PPP1R12A: variants seen among roughly 807,000 people sequenced by gnomAD.
PPP1R12A encodes protein phosphatase 1 regulatory subunit 12A, also known as myosin binding subunit.
Under a neutral mutation model 139.6 loss-of-function variants are expected in PPP1R12A, and 19 were observed. The ratio of observed to expected loss-of-function variants is 0.14; its 90% CI spans 0.09 to 0.20. The LOEUF (loss-of-function observed/expected upper bound fraction) is 0.20, where lower values mean the gene tolerates loss of function less well. PPP1R12A is among the 10% of genes least tolerant of loss of function. The pLI, the probability that PPP1R12A is intolerant of heterozygous loss-of-function variation, is 1.00. For missense variants in PPP1R12A, 925 were observed against 1,211.5 expected, an observed-to-expected ratio of 0.76 and a Z score of 3.51; for synonymous variants, 427 against 420.6, an observed-to-expected ratio of 1.02 and a Z score of -0.19.
At chr12:79,783,293 A>G (rs1870694715) in intron 22 of PPP1R12A, among the ~76,000 whole-genome samples, 1 of 46,370 alleles carries the variant, frequency 2.2e-5, no homozygotes, top group African/African-American at 6.4e-5. Flanking sequence ...CCCCGTCTCT[A>G]CCAAAAAAAA....
intron 1 of PPP1R12A, among the ~76,000 whole-genome samples, chr12:79,913,149 T>C (rs1291295459): frequency 6.6e-6 from 1 of 152,234 alleles, no homozygotes; most frequent in African/African-American, 2.4e-5. Context: ...GAATATTTTC[T>C]TTTGTGATGC....
chr12:79,790,359 T>G, intron 20 of PPP1R12A, 108 bp downstream of exon 20: 1 of 813,518 alleles, frequency 1.2e-6, no homozygotes, highest in Non-Finnish European at 1.8e-6. Flanking sequence ...TGTTTTTTAT[T>G]ATCAAATAAT....
At chr12:79,789,674 T>G (rs1038901571) in intron 20 of PPP1R12A, 2 of 453,828 alleles carry the variant, frequency 4.4e-6, no homozygotes, top group Non-Finnish European at 8.9e-6. Flanking sequence ...TTACTGGTCT[T>G]ACAGGGCTGT....
chr12:79,796,889 G>C lies in PPP1R12A; in HGVS notation c.2354C>G (p.Ser785Cys). 6.2e-7 allele frequency: 1 copy of C among 1,612,434 alleles called. No individual in the cohort carries two copies. Among genetic ancestry groups the C allele is most frequent in the African/African-American group, 1.3e-5 (1 of 74,978 alleles). ...AGCATACAGTGAACTGCTCATAGTA[G>C]AAAGTGAAGAGGATGGAGTGGTTGA... The part of the protein sequence containing the change: ...SSSTTPSSSL[S>C]TMSSSLYASS... The change falls in exon 17 of 25, where the codon TCT becomes TGT. Residue 785 changes from serine (S) to cysteine (C), a missense_variant. Coordinates refer to ENST00000450142, the MANE Select transcript of PPP1R12A (RefSeq NM_002480.3).
intron 1 of PPP1R12A, chr12:79,913,674 A>G (rs1886771181): frequency 6.6e-6 from 1 of 152,146 alleles, no homozygotes; most frequent in African/African-American, 2.4e-5. Flanking sequence ...TTTCATCTTT[A>G]TATCAATTTA....
intron 2 of PPP1R12A, among the ~76,000 whole-genome samples, chr12:79,870,287 T>A (rs1249235916): frequency 1.3e-5 from 2 of 152,062 alleles, no homozygotes; most frequent in Non-Finnish European, 2.9e-5. Context: ...CTAATTTTTT[T>A]GTATGTTTTG....
intron 2 of PPP1R12A, among the ~76,000 whole-genome samples, chr12:79,857,325 C>T (rs547138398): frequency 4.6e-5 from 7 of 151,302 alleles, no homozygotes; most frequent in Non-Finnish European, 7.4e-5. Context: ...AGTAAACTAT[C>T]GCAAGGACAA....
At position 79,898,627 on chromosome 12, in the gene PPP1R12A, TGAA is replaced by T. The variant is rs567771197; in HGVS notation, c.238-25692_238-25690del. Reference sequence around the variant, plus strand: ...AAGAAATAGTCTACCACTCACAAACTGAACTTCTAATGATTTCTTACACAAATG... The same window carrying T: ...AAGAAATAGTCTACCACTCACAAACTCTTCTAATGATTTCTTACACAAATG... On this transcript the variant is annotated intron_variant, in intron 1 of 24. Transcript: ENST00000450142. 6.8e-3 allele frequency among the ~76,000 whole-genome samples: 1,029 copies of T among 152,354 alleles called. 10 individuals carry two copies. Among genetic ancestry groups the T allele is most frequent in the Non-Finnish European group, 0.01 (692 of 68,040 alleles).
At chr12:79,907,173 A>C (rs1160500423) in intron 1 of PPP1R12A, among the ~76,000 whole-genome samples, 2 of 152,174 alleles carry the variant, frequency 1.3e-5, no homozygotes, top group Admixed American at 6.5e-5. Flanking sequence ...CCCTGTGAAA[A>C]AGATTATAAG....
chr12:79,818,678 CAACT>C (rs1291363541), intron 8 of PPP1R12A: 1 of 152,188 alleles, frequency 6.6e-6, no homozygotes, highest in Non-Finnish European at 1.5e-5. Context: ...CTCATTTTCT[CAACT>C]AACTTTCACA....
At chr12:79,922,493 C>T (rs1887515104) in intron 1 of PPP1R12A, among the ~76,000 whole-genome samples, 1 of 152,046 alleles carries the variant, frequency 6.6e-6, no homozygotes, top group Admixed American at 6.6e-5. Flanking sequence ...ACATACACAC[C>T]ATGGAATACA....
intron 2 of PPP1R12A, among the ~76,000 whole-genome samples, chr12:79,846,577 C>A (rs948362943): frequency 6.6e-6 from 1 of 151,914 alleles, no homozygotes; most frequent in Non-Finnish European, 1.5e-5. Context: ...CTACAGGCAC[C>A]CGCCACTGCG....
In PPP1R12A at chr12:79,883,646, T is replaced by C. The variant is rs935613060; in HGVS notation, c.238-10708A>G. Among the ~76,000 whole-genome samples, 7 of 152,128 alleles carry C rather than the reference T, an allele frequency of 4.6e-5. No homozygotes were observed. In the South Asian group the frequency reaches 8.3e-4, roughly 18 times the overall value. On this transcript the variant is annotated intron_variant, in intron 1 of 24. Coordinates refer to ENST00000450142, the MANE Select transcript of PPP1R12A (RefSeq NM_002480.3). ...ATCTAACCATATAGATCTGGAGCTG[T>C]GAAAATAAATGTGGGAAGAAAATGT...
intron 1 of PPP1R12A, among the ~76,000 whole-genome samples, chr12:79,926,943 T>C (rs1332979388): frequency 1.3e-5 from 2 of 152,142 alleles, no homozygotes; most frequent in Non-Finnish European, 2.9e-5. Flanking sequence ...ACGCCTGTAA[T>C]CCCAGCACTT....
chr12:79,777,507 G>T (rs974257277), intron 24 of PPP1R12A: 18 of 985,150 alleles, frequency 1.8e-5, no homozygotes, highest in Non-Finnish European at 2.2e-5. Flanking sequence ...AAGAAATGAT[G>T]AAACTAAAAA....
rs142218404 is a variant in PPP1R12A, at chr12:79,802,970, T to C, written c.2000+2622A>G. ...TTTAGTACCATGGCAAATAGTACTATCAACCACTACACTCTCTCCCTATGA... is the reference window on the plus strand; with the variant it reads ...TTTAGTACCATGGCAAATAGTACTACCAACCACTACACTCTCTCCCTATGA... On this transcript the variant is annotated intron_variant, in intron 14 of 24. Transcript: ENST00000450142. 2.5e-4 allele frequency among the ~76,000 whole-genome samples: 38 copies of C among 152,264 alleles called. No homozygotes were observed. In the East Asian group the frequency reaches 7.3e-3, roughly 29 times the overall value.
intron 2 of PPP1R12A, among the ~76,000 whole-genome samples, chr12:79,856,846 G>A (rs1880714971): frequency 2.0e-5 from 3 of 152,162 alleles, no homozygotes; most frequent in African/African-American, 7.2e-5. Flanking sequence ...TTCAAGTGTT[G>A]GAAACAGAAC....
At chr12:79,832,641 C>T (rs12423896) in intron 3 of PPP1R12A, 150 bp from the exon 4 acceptor site, 1 of 717,738 alleles carries the variant, frequency 1.4e-6, no homozygotes, top group Non-Finnish European at 2.1e-6. Flanking sequence ...GTTGGTTAAA[C>T]TAAAAAATGT....
chr12:79,792,837 C>CA (rs994748580), intron 19 of PPP1R12A, among the ~76,000 whole-genome samples: 1 of 151,908 alleles, frequency 6.6e-6, no homozygotes, highest in African/African-American at 2.4e-5. Context: ...AACTGATAAC[C>CA]AAAAAATTTA....
Sources: allele counts gnomAD v4.1 joint callset (sites outside exome capture counted in the v4.1 genomes callset), GRCh38; gene constraint gnomAD v4.1.1; transcripts MANE v1.5; gene names NCBI Gene and HGNC (gene_info 2026-07-23, HGNC 2026-07-21).